ZNF638: variants seen among roughly 807,000 people sequenced by gnomAD.
ZNF638 encodes zinc finger protein 638, also known as CTCL tumor antigen se33-1.
A neutral mutation model predicts 195.6 loss-of-function variants in ZNF638; 46 were observed. The observed-to-expected ratio is 0.24, with a 90% CI of 0.19 to 0.30. The LOEUF (loss-of-function observed/expected upper bound fraction) is 0.30, where lower values mean the gene tolerates loss of function less well. Among genes scored for constraint, ZNF638 ranks in the 10% least tolerant of loss-of-function variants. The probability of loss-of-function intolerance (pLI) is 1.00; values close to 1 mark genes in which losing one functional copy is unlikely to be tolerated. For synonymous variants in ZNF638, 845 were observed against 772.0 expected (o/e 1.09, Z -1.57); for missense variants, 2,440 against 2,325.3 (o/e 1.05, Z -1.01).
At chr2:71,380,770 C>A (rs2079522146) in intron 10 of ZNF638, 1 of 412,450 alleles carries the variant, frequency 2.4e-6, no homozygotes, top group Non-Finnish European at 4.3e-6. Context: ...TACAACAAAT[C>A]TGTGAGATAA....
intron 7 of ZNF638, among the ~76,000 whole-genome samples, chr2:71,369,388 C>T (rs1046896239): frequency 1.3e-5 from 2 of 151,606 alleles, no homozygotes; most frequent in African/African-American, 4.9e-5. Flanking sequence ...TCTGTAATCC[C>T]AGTACTTTGG....
chr2:71,429,989 A>G (rs368514831), intron 25 of ZNF638, among the ~76,000 whole-genome samples: 108 of 152,356 alleles, frequency 7.1e-4, no homozygotes, highest in African/African-American at 2.4e-3. Flanking sequence ...CCCCGACTTC[A>G]GAATTTCTGT....
chr2:71,420,829 CA>C (rs1406029430), intron 21 of ZNF638, among the ~76,000 whole-genome samples: 6 of 152,224 alleles, frequency 3.9e-5, no homozygotes, highest in Non-Finnish European at 8.8e-5. Flanking sequence ...AGCCAGAAAG[CA>C]GATACTAGTT....
chr2:71,389,801 C>G (rs2079732700), intron 10 of ZNF638, among the ~76,000 whole-genome samples: 1 of 152,176 alleles, frequency 6.6e-6, no homozygotes, highest in Non-Finnish European at 1.5e-5. Context: ...ACAAATTAGT[C>G]ATCCCCAGGC....
intron 8 of ZNF638, among the ~76,000 whole-genome samples, chr2:71,372,821 AT>A (rs1301859685): frequency 1.3e-5 from 2 of 152,194 alleles, no homozygotes; most frequent in Non-Finnish European, 2.9e-5. Context: ...CAATAATTTG[AT>A]TTGGTAGTCT....
chr2:71,410,257 C>T (rs1380165186), intron 20 of ZNF638, among the ~76,000 whole-genome samples: 1 of 152,208 alleles, frequency 6.6e-6, no homozygotes, highest in African/African-American at 2.4e-5. Flanking sequence ...TCATGGCCCA[C>T]ATGATTTAAA....
intron 8 of ZNF638, among the ~76,000 whole-genome samples, chr2:71,373,263 CTGTT>C (rs754539334): frequency 2.0e-5 from 3 of 151,496 alleles, no homozygotes; most frequent in Non-Finnish European, 2.9e-5. Context: ...TATCTATTAA[CTGTT>C]TAAGTGAGTT....
At chr2:71,336,640 G>T (rs2078676081) in intron 1 of ZNF638, among the ~76,000 whole-genome samples, 1 of 152,116 alleles carries the variant, frequency 6.6e-6, no homozygotes. Context: ...TTCCCAATGG[G>T]TACTGTTGTT....
chr2:71,400,602 T>A (rs1016159789), intron 15 of ZNF638, 84 bp downstream of exon 15: 6 of 1,165,488 alleles, frequency 5.1e-6, no homozygotes, highest in Admixed American at 5.3e-5. Context: ...AGGTAAAAAA[T>A]TCATGGTATT....
Position 71,363,171 on chromosome 2 carries a change from T to C in ZNF638, c.1398T>C (p.Pro466=). 6.3e-7 allele frequency: 1 copy of C among 1,595,770 alleles called. No homozygotes were observed. Among genetic ancestry groups the C allele is most frequent in the Non-Finnish European group, 8.6e-7 (1 of 1,168,756 alleles). The change falls in exon 4 of 28, where the codon CCT becomes CCC. Residue 466 remains proline (P), a synonymous_variant. Coordinates refer to ENST00000264447, the MANE Select transcript of ZNF638 (RefSeq NM_014497.5). ...AAAATAGGTATCCTGATTGGAATCCTGAGATCCTCCCATCGAGAAGGTAAT... is the reference window on the plus strand; with the variant it reads ...AAAATAGGTATCCTGATTGGAATCCCGAGATCCTCCCATCGAGAAGGTAAT... ...QLRQQYPDWN[P]EILPSRRNEG... is the part of the protein sequence containing the mutation.
chr2:71,395,067 G>A (rs988929041), intron 10 of ZNF638, among the ~76,000 whole-genome samples: 2 of 152,102 alleles, frequency 1.3e-5, no homozygotes, highest in African/African-American at 2.4e-5. Context: ...AACAGCAGAC[G>A]TAAAGCAACT....
chr2:71,399,785 G>T (rs1051015372), intron 13 of ZNF638, 140 bp downstream of exon 13: 6 of 699,064 alleles, frequency 8.6e-6, no homozygotes, highest in Non-Finnish European at 1.4e-5. Flanking sequence ...TCATCACCCA[G>T]ATATTAAGCC....
chr2:71,412,526 G>C (rs1349156498), intron 20 of ZNF638, among the ~76,000 whole-genome samples: 1 of 15,602 alleles, frequency 6.4e-5, no homozygotes, highest in Non-Finnish European at 1.2e-4. Flanking sequence ...ATTGCTTTTG[G>C]TGTTTTGGAC....
intron 2 of ZNF638, among the ~76,000 whole-genome samples, chr2:71,354,150 C>T (rs567919263): frequency 6.6e-6 from 1 of 152,248 alleles, no homozygotes; most frequent in East Asian, 1.9e-4. Context: ...CTTCTAATGA[C>T]CTAAACTAAA....
intron 10 of ZNF638, chr2:71,380,821 G>A (rs1573083792): frequency 3.3e-6 from 1 of 303,100 alleles, no homozygotes; most frequent in African/African-American, 2.2e-5. Flanking sequence ...GTTAATAGCT[G>A]TTTTTTACAT....
intron 6 of ZNF638, among the ~76,000 whole-genome samples, chr2:71,366,352 C>A (rs1319759809): frequency 7.0e-6 from 1 of 143,018 alleles, no homozygotes; most frequent in Non-Finnish European, 1.5e-5. Context: ...AGAAGGAAGA[C>A]CCTGTCTCAA....
chr2:71,368,175 T>C (rs2104292228), intron 6 of ZNF638, among the ~76,000 whole-genome samples: 1 of 152,280 alleles, frequency 6.6e-6, no homozygotes, highest in Middle Eastern at 3.4e-3. Flanking sequence ...TTACCACTTT[T>C]GCATTTAAAA....
chr2:71,368,568 A>T (rs1273366372), intron 7 of ZNF638, 40 bp downstream of exon 7: 1 of 1,602,766 alleles, frequency 6.2e-7, no homozygotes, highest in South Asian at 1.1e-5. Context: ...ATACAAAGTG[A>T]TTGCTTTAAT....
chr2:71,426,559 A>G lies in ZNF638; in HGVS notation c.4690A>G (p.Lys1564Glu), dbSNP rs1392192776. ...SQAKQNPLKGKRKETLKNVPF... is the reference protein window; with the variant it reads ...SQAKQNPLKGERKETLKNVPF... ...GGCCAAGCAGAATCCACTAAAGGGA[A>G]AAAGGAAAGAAACTCTCAAAAATGT... Residue 1564 changes from lysine (K) to glutamate (E), a missense_variant, in exon 24 of 28, where the codon AAA (lysine) becomes GAA (glutamate). Lys to Glu is a moderately conservative substitution (Grantham distance 56). This residue lies in a region of ZNF638 where 1,883 missense variants were observed against 1,739.1 expected (regional missense o/e 1.08). Coordinates refer to ENST00000264447, the MANE Select transcript of ZNF638 (RefSeq NM_014497.5). The G allele has an allele frequency of 6.2e-7, 1 of 1,614,134 alleles. No homozygotes were observed.
Sources: allele counts gnomAD v4.1 joint callset (sites outside exome capture counted in the v4.1 genomes callset), GRCh38; gene constraint gnomAD v4.1.1; regional missense constraint gnomAD v4.1.1; transcripts MANE v1.5; gene names NCBI Gene and HGNC (gene_info 2026-07-23, HGNC 2026-07-21).